ZNF709: variants seen among roughly 807,000 people sequenced by gnomAD.
ZNF709 encodes the protein zinc finger protein 709.
ZNF709 carries 15 observed loss-of-function variants against 10.6 expected under a neutral mutation model. The ratio of observed to expected loss-of-function variants is 1.41; its 90% CI spans 0.95 to 2.18. The LOEUF is 2.18. Ranked by LOEUF, ZNF709 falls within the 30% of genes most tolerant of loss-of-function variation. ZNF709 has a pLI of 0.00. For missense variants in ZNF709, 589 were observed against 774.0 expected (o/e 0.76, Z 2.84); for synonymous variants, 194 against 238.8 (o/e 0.81, Z 1.73).
At chr19:12,482,870 T>C (rs1970740482) in intron 1 of ZNF709, among the ~76,000 whole-genome samples, 1 of 152,016 alleles carries the variant, frequency 6.6e-6, no homozygotes, top group Non-Finnish European at 1.5e-5. Flanking sequence ...CAAGGGTTGG[T>C]CTTAGAGCTT....
chr19:12,476,764 G>A (rs552249438), intron 1 of ZNF709, among the ~76,000 whole-genome samples: 2 of 152,232 alleles, frequency 1.3e-5, no homozygotes, highest in East Asian at 1.9e-4. Context: ...GGGATGGAGC[G>A]GCCCTCCTTT....
At position 12,465,271 on chromosome 19, in the gene ZNF709, C is replaced by T; in HGVS notation, c.651G>A (p.Met217Ile). 6.2e-7 allele frequency: 1 copy of T among 1,612,694 alleles called. No individual in the cohort carries two copies. Among genetic ancestry groups the T allele is most frequent in the Non-Finnish European group, 8.5e-7 (1 of 1,179,322 alleles). ...YHTTFRGHMR[M>I]HTGEKPYKCK... The stretch of plus-strand genomic sequence containing the variant: ...ATTTATAGGGTTTCTCCCCTGTGTG[C>T]ATTCTCATGTGTCCTCGAAAGGTTG... The change falls in exon 4 of 4, where the codon ATG becomes ATA. Residue 217 changes from methionine (M) to isoleucine (I), a missense_variant. By Grantham distance (10) the Met-to-Ile change is conservative. Transcript: ENST00000397732.
intron 1 of ZNF709, among the ~76,000 whole-genome samples, chr19:12,467,130 C>G (rs1183179826): frequency 1.3e-5 from 2 of 152,196 alleles, no homozygotes; most frequent in Non-Finnish European, 2.9e-5. Flanking sequence ...TACTCTCCCT[C>G]TCCCTCTCCC....
At chr19:12,473,185 G>C (rs1448094938) in intron 1 of ZNF709, among the ~76,000 whole-genome samples, 1 of 152,290 alleles carries the variant, frequency 6.6e-6, no homozygotes, top group East Asian at 1.9e-4. Context: ...CAAAACAATA[G>C]GATCAGTATT....
intron 1 of ZNF709, among the ~76,000 whole-genome samples, chr19:12,478,024 T>C (rs1035074560): frequency 1.3e-5 from 2 of 152,176 alleles, no homozygotes; most frequent in South Asian, 2.1e-4. Context: ...AGAGGAAACA[T>C]GAGTGTGCCC....
intron 1 of ZNF709, among the ~76,000 whole-genome samples, chr19:12,474,035 G>A (rs952287576): frequency 6.6e-6 from 1 of 152,188 alleles, no homozygotes; most frequent in African/African-American, 2.4e-5. Flanking sequence ...AATGGGGCAC[G>A]ATCCCATCTT....
intron 1 of ZNF709, among the ~76,000 whole-genome samples, chr19:12,480,981 G>A (rs994044255): frequency 1.8e-4 from 27 of 147,784 alleles, no homozygotes; most frequent in Admixed American, 2.7e-4. Context: ...ACAGGGTTTC[G>A]CCATGTTGCC....
At chr19:12,480,578 G>A (rs966278407) in intron 1 of ZNF709, among the ~76,000 whole-genome samples, 2 of 151,808 alleles carry the variant, frequency 1.3e-5, no homozygotes, top group Non-Finnish European at 2.9e-5. Context: ...AGCTCCTCAG[G>A]AGGCTGAGGC....
chr19:12,470,795 C>T (rs1437499501), intron 1 of ZNF709, among the ~76,000 whole-genome samples: 3 of 151,812 alleles, frequency 2.0e-5, no homozygotes, highest in Non-Finnish European at 4.4e-5. Flanking sequence ...AGTGTGATGT[C>T]GGGAGCCTGT....
At position 12,464,788 on chromosome 19, in the gene ZNF709, A is replaced by G; in HGVS notation, c.1134T>C (p.Ser378=). Residue 378 remains serine, a synonymous_variant, in exon 4 of 4, where the codon TCT becomes TCC. Coordinates refer to ENST00000397732, the MANE Select transcript of ZNF709 (RefSeq NM_152601.4). ...TGTGAGTTCGTTCATGGATTTGAAA[A>G]GAACTAGGACAATCAAAGGCTTTCC... is the stretch of plus-strand genomic sequence containing the variant. ...ECGKAFDCPS[S]FQIHERTHTG... The G allele has an allele frequency of 6.2e-7, 1 of 1,613,380 alleles. No homozygotes were observed. Among genetic ancestry groups the G allele is most frequent in the Non-Finnish European group, 8.5e-7 (1 of 1,179,672 alleles).
intron 2 of ZNF709, 96 bp from the exon 3 acceptor site, chr19:12,466,615 T>G: frequency 6.2e-7 from 1 of 1,603,930 alleles, no homozygotes; most frequent in South Asian, 1.1e-5. Context: ...CCTGTCTGAT[T>G]TATTTACCAA....
rs942741303 is a variant in ZNF709 at position 12,462,590 on chromosome 19, G to A, written c.*1406C>T. Reference sequence around the variant, plus strand: ...CTTTGCAGACTCAAAAATTTATTATGATTATTTTTTAGCATAAAAAATAGA... The same window carrying A: ...CTTTGCAGACTCAAAAATTTATTATAATTATTTTTTAGCATAAAAAATAGA... On this transcript the variant is annotated 3_prime_UTR_variant, in exon 4 of 4. Transcript: ENST00000397732. 6.6e-6 allele frequency: 1 copy of A among 152,002 alleles called. No individual in the cohort carries two copies. Among genetic ancestry groups the A allele is most frequent in the Non-Finnish European group, 1.5e-5 (1 of 67,992 alleles). The allele number at this position is 152,002 out of a possible 1,614,324, so 9.4% of individuals were successfully genotyped here.
chr19:12,476,567 A>G (rs1970679858), intron 1 of ZNF709, among the ~76,000 whole-genome samples: 1 of 152,190 alleles, frequency 6.6e-6, no homozygotes, highest in African/African-American at 2.4e-5. Context: ...GTGTTAAGAG[A>G]ATGAAAAAGA....
In ZNF709 at chr19:12,474,407, A is replaced by T. The variant is rs183936259; in HGVS notation, c.4-7557T>A. On this transcript the variant is annotated intron_variant, in intron 1 of 3. Coordinates refer to ENST00000397732, the MANE Select transcript of ZNF709 (RefSeq NM_152601.4). ...GCTAAATCATATTTTATTTTATGTAAACATCACACATTCATCTGTTGACAC... is the reference window on the plus strand; with the variant it reads ...GCTAAATCATATTTTATTTTATGTATACATCACACATTCATCTGTTGACAC... Among the ~76,000 whole-genome samples, 597 of 152,302 alleles carry T rather than the reference A, an allele frequency of 3.9e-3. 2 individuals carry two copies. Among genetic ancestry groups the T allele is most frequent in the African/African-American group, 0.014 (567 of 41,572 alleles).
chr19:12,464,313 A>G lies in ZNF709; in HGVS notation c.1609T>C (p.Cys537Arg). Residue 537 changes from cysteine (C) to arginine (R), a missense_variant, in exon 4 of 4, where the codon TGT becomes CGT. Coordinates refer to ENST00000397732, the MANE Select transcript of ZNF709 (RefSeq NM_152601.4). ...TGEKPYECKQ[C>R]GKAFSCSSSI... The stretch of plus-strand genomic sequence containing the variant: ...CTGGAACAACTAAACGCCTTACCAC[A>G]CTGTTTACATTCATAGGGTTTCTCC... 2 of 1,608,610 alleles carry G rather than the reference A, an allele frequency of 1.2e-6. No homozygotes were observed. Among genetic ancestry groups the G allele is most frequent in the Non-Finnish European group, 1.7e-6 (2 of 1,177,576 alleles).
intron 1 of ZNF709, among the ~76,000 whole-genome samples, chr19:12,474,206 C>T (rs529709554): frequency 1.3e-5 from 2 of 152,254 alleles, no homozygotes; most frequent in East Asian, 3.9e-4. Context: ...CCCATTTCCC[C>T]CTTCCCCTGC....
intron 1 of ZNF709, among the ~76,000 whole-genome samples, chr19:12,483,327 T>TA (rs1212262322): frequency 2.3e-5 from 3 of 130,900 alleles, no homozygotes; most frequent in Non-Finnish European, 5.1e-5. Context: ...TTTTTTTTTT[T>TA]TTTTCTAGTA....
At chr19:12,482,310 G>C (rs1338459454) in intron 1 of ZNF709, among the ~76,000 whole-genome samples, 1 of 151,934 alleles carries the variant, frequency 6.6e-6, no homozygotes, top group Admixed American at 6.6e-5. Context: ...ACAAGCTTGG[G>C]GCCCACATTC....
intron 1 of ZNF709, 81 bp from the exon 2 acceptor site, chr19:12,466,931 T>C (rs1970576263): frequency 1.3e-6 from 2 of 1,503,738 alleles, no homozygotes; most frequent in Admixed American, 4.6e-5. Context: ...TAAAAGTTCA[T>C]ATATAATTTT....
Sources: gnomAD v4.1 joint callset for allele counts (sites outside exome capture counted in the v4.1 genomes callset) on GRCh38, gnomAD v4.1.1 for gene constraint, MANE v1.5 for transcripts, NCBI Gene and HGNC (gene_info 2026-07-23, HGNC 2026-07-21) for gene names.